NHSL2: variants seen among roughly 807,000 people sequenced by gnomAD.
The protein encoded by NHSL2 is NHS-like protein 2.
NHSL2 carries 27 observed loss-of-function variants against 53.4 expected under a neutral mutation model. That is an observed-to-expected ratio of 0.51 (90% CI 0.37 to 0.70). NHSL2 has a LOEUF of 0.70. NHSL2 is among the 30% of genes least tolerant of loss of function. The pLI is 0.00. For synonymous variants in NHSL2, 408 were observed against 404.1 expected, an observed-to-expected ratio of 1.01 and a Z score of -0.12; for missense variants, 892 against 980.1, an observed-to-expected ratio of 0.91 and a Z score of 1.20.
At chrX:72,030,512 G>A (rs750170880) in intron 1 of NHSL2, among the ~76,000 whole-genome samples, 2 of 111,989 alleles carry the variant, frequency 1.8e-5, no homozygotes, top group South Asian at 7.4e-4. Flanking sequence ...GTGTGTGTGT[G>A]TGTATACATC....
chrX:71,963,208 G>A (rs1347236283), intron 1 of NHSL2, among the ~76,000 whole-genome samples: 1 of 110,689 alleles, frequency 9.0e-6, no homozygotes, highest in Non-Finnish European at 1.9e-5. Context: ...ATTATTGAAA[G>A]TGGTAAATTA....
chrX:71,932,340 G>C (rs1284503387), intron 1 of NHSL2, among the ~76,000 whole-genome samples: 1 of 109,861 alleles, frequency 9.1e-6, no homozygotes, highest in Admixed American at 9.8e-5. Context: ...ACAAGAGAAA[G>C]AGCAGCATGA....
chrX:71,931,152 C>T (rs1052631072), intron 1 of NHSL2, among the ~76,000 whole-genome samples: 3 of 112,208 alleles, frequency 2.7e-5, no homozygotes, highest in East Asian at 5.6e-4. Context: ...GCCTAGTGGC[C>T]ATTTGTATGT....
intron 1 of NHSL2, among the ~76,000 whole-genome samples, chrX:72,020,431 T>TC (rs1244736476): frequency 1.8e-5 from 2 of 112,898 alleles, no homozygotes; most frequent in Non-Finnish European, 3.7e-5. Context: ...TCAGGCTAAA[T>TC]CCTCAAAGAA....
At chrX:72,054,806 C>A (rs945132185) in intron 1 of NHSL2, among the ~76,000 whole-genome samples, 2 of 111,652 alleles carry the variant, frequency 1.8e-5, no homozygotes, top group African/African-American at 6.5e-5. Context: ...TCATCGACCT[C>A]ACCCCATTTG....
chrX:71,954,452 C>G (rs1489275567), intron 1 of NHSL2, among the ~76,000 whole-genome samples: 1 of 112,272 alleles, frequency 8.9e-6, no homozygotes, highest in Non-Finnish European at 1.9e-5. Context: ...AGCAAAAGGT[C>G]TCAACACAGG....
intron 1 of NHSL2, among the ~76,000 whole-genome samples, chrX:71,964,001 A>ATATGTG (rs2041884525): frequency 1.3e-4 from 1 of 7,764 alleles, no homozygotes; most frequent in African/African-American, 2.9e-4. Flanking sequence ...ATGTATATAC[A>ATATGTG]TATATATATG....
chrX:72,009,899 T>C (rs2042108942), intron 1 of NHSL2, among the ~76,000 whole-genome samples: 1 of 112,468 alleles, frequency 8.9e-6, no homozygotes, highest in African/African-American at 3.2e-5. Context: ...CTCTAGTGAG[T>C]CTGCTCTCAG....
At chrX:72,074,583 A>G (rs1219437927) in intron 1 of NHSL2, among the ~76,000 whole-genome samples, 1 of 112,404 alleles carries the variant, frequency 8.9e-6, no homozygotes, top group Non-Finnish European at 1.9e-5. Flanking sequence ...CTGGGCCAGA[A>G]CATAGAAGGA....
intron 1 of NHSL2, among the ~76,000 whole-genome samples, chrX:71,931,612 TAA>T (rs2041713587): frequency 2.7e-5 from 3 of 112,575 alleles, no homozygotes; most frequent in Middle Eastern, 4.6e-3. Context: ...CGCCTTTTGT[TAA>T]AGAGACTATT....
chrX:71,931,982 T>C (rs756220848), intron 1 of NHSL2, among the ~76,000 whole-genome samples: 82 of 112,607 alleles, frequency 7.3e-4, no homozygotes, highest in Middle Eastern at 4.6e-3. Flanking sequence ...ATTCATTTTT[T>C]CTTTCGACAA....
intron 1 of NHSL2, among the ~76,000 whole-genome samples, chrX:72,054,601 CTT>C (rs754129123): frequency 5.4e-5 from 6 of 112,119 alleles, no homozygotes; most frequent in African/African-American, 1.9e-4. Context: ...CTGCAAATAT[CTT>C]TTTCTTTCCC....
intron 1 of NHSL2, among the ~76,000 whole-genome samples, chrX:72,071,168 A>G (rs1270528115): frequency 2.7e-5 from 3 of 111,325 alleles, no homozygotes; most frequent in Non-Finnish European, 5.7e-5. Context: ...GGCCTCCTAT[A>G]TGGGCTGAAT....
At chrX:72,038,025 A>G (rs976169371) in intron 1 of NHSL2, among the ~76,000 whole-genome samples, 1 of 112,010 alleles carries the variant, frequency 8.9e-6, no homozygotes, top group African/African-American at 3.3e-5. Context: ...AAGAATCCCT[A>G]TTTGTTTCGG....
intron 1 of NHSL2, among the ~76,000 whole-genome samples, chrX:72,037,570 A>G (rs905583614): frequency 2.7e-5 from 3 of 111,538 alleles, no homozygotes; most frequent in Non-Finnish European, 5.7e-5. Context: ...CTTGGTCCCT[A>G]CTGATGCTTC....
intron 1 of NHSL2, among the ~76,000 whole-genome samples, chrX:72,096,882 C>T (rs529542177): frequency 8.0e-5 from 9 of 111,917 alleles, no homozygotes; most frequent in East Asian, 2.8e-4. Flanking sequence ...CTCAGCCTCC[C>T]GAGTAGCTGG....
intron 1 of NHSL2, chrX:72,130,418 CCTT>C (rs772143269): frequency 7.5e-6 from 9 of 1,198,536 alleles, no homozygotes; most frequent in Non-Finnish European, 1.0e-5. Context: ...TCCTCCTTCT[CCTT>C]CATCTCTTGC....
In NHSL2 at chrX:71,928,341, T is replaced by C. The variant is rs369044080; in HGVS notation, c.280+16974T>C. Among the ~76,000 whole-genome samples the C allele has an allele frequency of 4.3e-4, 48 of 112,076 alleles. No individual in the cohort carries two copies. In the East Asian group the frequency reaches 5.4e-3, roughly 13 times the overall value. ...GAACTGAATTGGGCCCTGGAAATCC[T>C]GAAAAGGGGGAAATATGGGTCTCAC... On this transcript the variant is annotated intron_variant, in intron 1 of 7. Transcript: ENST00000633930.
chrX:72,013,540 T>A (rs1490459844), intron 1 of NHSL2, among the ~76,000 whole-genome samples: 1 of 109,310 alleles, frequency 9.1e-6, no homozygotes, highest in African/African-American at 3.3e-5. Context: ...TTTCTTCTTT[T>A]TTTTTTTTTG....
Sources: gnomAD v4.1 joint callset for allele counts (sites outside exome capture counted in the v4.1 genomes callset) on GRCh38, gnomAD v4.1.1 for gene constraint, MANE v1.5 for transcripts, NCBI Gene and HGNC (gene_info 2026-07-23, HGNC 2026-07-21) for gene names.